Variants in SLC12A3 observed in about 807,000 individuals in gnomAD.
The protein encoded by SLC12A3 is Na-Cl cotransporter.
In SLC12A3, 104 loss-of-function variants were observed where a neutral mutation model predicts 121.0. That is an observed-to-expected ratio of 0.86 (90% CI 0.73 to 1.01). The LOEUF is 1.01. SLC12A3 is among the 50% of genes least tolerant of loss of function. SLC12A3 has a pLI of 0.00. For missense variants in SLC12A3, 1,328 were observed against 1,356.3 expected, an observed-to-expected ratio of 0.98 and a Z score of 0.33; for synonymous variants, 536 against 533.4, an observed-to-expected ratio of 1.00 and a Z score of -0.07.
intron 3 of SLC12A3, among the ~76,000 whole-genome samples, chr16:56,868,656 C>T (rs1423419621): frequency 2.0e-5 from 3 of 152,312 alleles, no homozygotes; most frequent in Admixed American, 6.5e-5. Context: ...TACCTCAAAG[C>T]GTGCAGGTTA....
chr16:56,865,379 C>T lies in SLC12A3; in HGVS notation c.144C>T (p.Ser48=), dbSNP rs1964327643. Residue 48 remains serine, a synonymous_variant, in exon 1 of 26, where the codon AGC becomes AGT. Coordinates refer to ENST00000563236, the MANE Select transcript of SLC12A3 (RefSeq NM_001126108.2). The part of the protein sequence containing the change: ...DSSHPSHLTH[S]STFCMRTFGY... The stretch of plus-strand genomic sequence containing the variant: ...GCCACCCCAGCCACCTGACCCACAG[C>T]AGCACCTTCTGCATGCGCACCTTTG... 6.2e-7 allele frequency: 1 copy of T among 1,614,206 alleles called. No individual in the cohort carries two copies. The highest frequency in any genetic ancestry group is 1.1e-5 in the South Asian group (1 of 91,090).
chr16:56,879,365 G>GCCC, intron 10 of SLC12A3, 138 bp downstream of exon 10: 1 of 1,238,698 alleles, frequency 8.1e-7, no homozygotes, highest in South Asian at 1.3e-5. Flanking sequence ...GGGGTTCAGA[G>GCCC]CCCAGGTCTG....
intron 13 of SLC12A3, 67 bp from the exon 14 acceptor site, chr16:56,883,982 C>A (rs1159370365): frequency 4.5e-6 from 7 of 1,570,498 alleles, no homozygotes; most frequent in Non-Finnish European, 6.1e-6. Context: ...AGGCCCTGCC[C>A]AGCAGCTCTG....
At chr16:56,872,312 CAAAACTATCTGA>C (rs2055107541) in intron 6 of SLC12A3, 27 bp from the exon 7 acceptor site, 1 of 1,472,846 alleles carries the variant, frequency 6.8e-7, no homozygotes, top group African/African-American at 1.4e-5. Flanking sequence ...AGAGGTAGAA[CAAAACTATCTGA>C]CCTCTGGGGT....
chr16:56,868,373 G>A lies in SLC12A3; in HGVS notation c.505+1G>A. 6.2e-7 allele frequency: 1 copy of A among 1,611,800 alleles called. No homozygotes were observed. Among genetic ancestry groups the A allele is most frequent in the Non-Finnish European group, 8.5e-7 (1 of 1,179,058 alleles). On this transcript the variant is annotated splice_donor_variant, in intron 3 of 25. Transcript: ENST00000563236. LOFTEE classifies it high-confidence loss of function. ...TGGATTACGGCCCAGGCAGGCATCG[G>A]TGAGTGCCCCTCTGGGGAAGAGGAG...
In SLC12A3 at chr16:56,870,652, C is replaced by T. The variant is rs1223955494; in HGVS notation, c.768C>T (p.Pro256=). 6.2e-7 allele frequency: 1 copy of T among 1,613,316 alleles called. No individual in the cohort carries two copies. Among genetic ancestry groups the T allele is most frequent in the South Asian group, 1.1e-5 (1 of 91,048 alleles). The change falls in exon 6 of 26, where the codon CCC becomes CCT. Residue 256 remains proline, a synonymous_variant. Transcript: ENST00000563236. ...LQEYGAPIVD[P]INDIRIIAVV... The stretch of plus-strand genomic sequence containing the variant: ...AGTATGGGGCACCCATCGTGGACCC[C>T]ATTAACGACATCCGCATCATTGCCG...
intron 8 of SLC12A3, among the ~76,000 whole-genome samples, chr16:56,877,011 G>A (rs532320245): frequency 2.6e-5 from 4 of 152,354 alleles, no homozygotes; most frequent in African/African-American, 9.6e-5. Context: ...GGGGTGCCCA[G>A]GCCACTTCTC....
intron 23 of SLC12A3, among the ~76,000 whole-genome samples, chr16:56,901,157 CA>C (rs1302868250): frequency 6.6e-6 from 1 of 152,150 alleles, no homozygotes; most frequent in Admixed American, 6.5e-5. Context: ...CCTCCTGCAT[CA>C]GGGGCCCTTC....
At position 56,867,086 on chromosome 16, in the gene SLC12A3, T is replaced by G; in HGVS notation, c.299T>G (p.Leu100Arg). The change falls in exon 2 of 26, where the codon CTG (leucine) becomes CGG (arginine). Residue 100 changes from leucine (L) to arginine (R), a missense_variant. Transcript: ENST00000563236. Reference protein sequence around the residue: ...HSFLKQEGRHLHALAFDSRPS... With the variant: ...HSFLKQEGRHRHALAFDSRPS... The stretch of plus-strand genomic sequence containing the variant: ...GGCTGCCAGCAGGAAGGCAGACACC[T>G]GCATGCCCTGGCCTTTGACAGCCGG... The G allele has an allele frequency of 6.2e-7, 1 of 1,613,460 alleles. No individual in the cohort carries two copies. Among genetic ancestry groups the G allele is most frequent in the Non-Finnish European group, 8.5e-7 (1 of 1,180,026 alleles).
chr16:56,902,501 G>C lies in SLC12A3; in HGVS notation c.2849G>C (p.Arg950Thr). 1.4e-6 allele frequency: 2 copies of C among 1,450,898 alleles called. No individual in the cohort carries two copies. Among genetic ancestry groups the C allele is most frequent in the Non-Finnish European group, 1.9e-6 (2 of 1,049,700 alleles). 89.9% of individuals were successfully genotyped at this position (1,450,898 alleles called of 1,614,324 possible). A position where few individuals can be genotyped will look rare whatever the true frequency, so the allele number is the denominator to read the frequency against. ...TCAGATGAGGAGATTACGAAGAACA[G>C]AGTCAAGGTGCAGAGAGGGGTGGGG... ...KISDEEITKN[R>T]VKSLRQVRLN... Residue 950 changes from arginine (R) to threonine (T), a missense_variant, in exon 24 of 26, where the codon AGA becomes ACA. By Grantham distance (71) the Arg-to-Thr change is moderately conservative. Transcript: ENST00000563236.
In SLC12A3 at chr16:56,878,059, T is replaced by TCTCCCTCC. The variant is rs1446588083; in HGVS notation, c.1096-13_1096-6dup. The TCTCCCTCC allele has an allele frequency of 9.3e-5, 24 of 258,902 alleles. No homozygotes were observed. The highest frequency in any genetic ancestry group is 1.5e-4 in the Non-Finnish European group (21 of 143,486). The allele number at this position is 258,902 out of a possible 1,614,324, so 16.0% of individuals were successfully genotyped here. ...CTCTCCCTCCCTCCCTCCCTCCCTC[T>TCTCCCTCC]CTCCCTCCCTCCTTCAGGACCCTGC... On this transcript the variant is annotated splice_polypyrimidine_tract_variant and intron_variant, in intron 8 of 25. Transcript: ENST00000563236.
At chr16:56,880,924 A>G (rs1336642298) in intron 12 of SLC12A3, among the ~76,000 whole-genome samples, 1 of 152,258 alleles carries the variant, frequency 6.6e-6, no homozygotes, top group Non-Finnish European at 1.5e-5. Context: ...GGGCAGGAAG[A>G]GACCACCTGT....
At chr16:56,894,725 T>A in intron 22 of SLC12A3, 83 bp downstream of exon 22, 1 of 1,025,550 alleles carries the variant, frequency 9.8e-7, no homozygotes, top group Admixed American at 1.9e-5. Flanking sequence ...CTACCCTAGA[T>A]CCTCTACCAC....
chr16:56,874,002 TCTC>T (rs2055136391), intron 8 of SLC12A3, among the ~76,000 whole-genome samples: 1 of 152,104 alleles, frequency 6.6e-6, no homozygotes, highest in East Asian at 1.9e-4. Flanking sequence ...GTGAGCCACT[TCTC>T]CTGGCCTGTT....
chr16:56,872,841 A>G, intron 8 of SLC12A3, 55 bp downstream of exon 8: 1 of 1,610,294 alleles, frequency 6.2e-7, no homozygotes, highest in East Asian at 2.2e-5. Context: ...GGCTATGAGC[A>G]GAATCCTGCC....
At position 56,879,546 on chromosome 16, in the gene SLC12A3, T is replaced by C; in HGVS notation, c.1340T>C (p.Met447Thr). 1 of 1,612,402 alleles carries C rather than the reference T, an allele frequency of 6.2e-7. No homozygotes were observed. The highest frequency in any genetic ancestry group is 8.5e-7 in the Non-Finnish European group (1 of 1,178,804). Residue 447 changes from methionine to threonine, a missense_variant, in exon 11 of 26, where the codon ATG (methionine) becomes ACG (threonine). Coordinates refer to ENST00000563236, the MANE Select transcript of SLC12A3 (RefSeq NM_001126108.2). ...HYGLINYYQT[M>T]SMVSGFAPLI... is the part of the protein sequence containing the mutation. ...CTGAGCCCCAAATCCCCACAGACCA[T>C]GAGCATGGTGTCAGGCTTCGCGCCC... is the stretch of plus-strand genomic sequence containing the variant.
intron 12 of SLC12A3, among the ~76,000 whole-genome samples, chr16:56,881,785 A>G: frequency 6.6e-6 from 1 of 152,110 alleles, no homozygotes; most frequent in East Asian, 1.9e-4. Flanking sequence ...ACAATGGCTC[A>G]TGCCTGTAAT....
Position 56,892,158 on chromosome 16 carries a change from C to T in SLC12A3, c.2419+25C>T, listed in dbSNP as rs781387286. The T allele has an allele frequency of 3.1e-6, 5 of 1,611,762 alleles. No homozygotes were observed. In the Admixed American group the frequency reaches 5.0e-5, roughly 16 times the overall value. On this transcript the variant is annotated intron_variant, in intron 20 of 25. Coordinates refer to ENST00000563236, the MANE Select transcript of SLC12A3 (RefSeq NM_001126108.2). ...GGTGCCAGGCCATCAGTCTCTGGCG[C>T]TTGTCAGTGTTCCCACTCAGAGCTC... is the stretch of plus-strand genomic sequence containing the variant.
At chr16:56,903,529 T>G (rs2055567084) in intron 24 of SLC12A3, among the ~76,000 whole-genome samples, 1 of 152,192 alleles carries the variant, frequency 6.6e-6, no homozygotes, top group Non-Finnish European at 1.5e-5. Flanking sequence ...CCTGCGATGC[T>G]GCCAAACATC....
Sources: allele counts gnomAD v4.1 joint callset (sites outside exome capture counted in the v4.1 genomes callset), GRCh38; gene constraint gnomAD v4.1.1; transcripts MANE v1.5; gene names NCBI Gene and HGNC (gene_info 2026-07-23, HGNC 2026-07-21).